The following GPR139 variants were observed in gnomAD, a reference collection of about 807,000 sequenced individuals.
The protein encoded by GPR139 is G protein-coupled receptor 139.
In GPR139, 12 loss-of-function variants were observed where a neutral mutation model predicts 25.8. That is an observed-to-expected ratio of 0.47 (90% CI 0.30 to 0.75). The LOEUF (loss-of-function observed/expected upper bound fraction) is 0.75. Ranked by LOEUF, GPR139 falls within the 30% of genes least tolerant of loss-of-function variation. The probability of loss-of-function intolerance (pLI) is 0.07; values close to 1 mark genes in which losing one functional copy is unlikely to be tolerated. For missense variants in GPR139, 380 were observed against 450.2 expected, an observed-to-expected ratio of 0.84 and a Z score of 1.41; for synonymous variants, 184 against 179.9, an observed-to-expected ratio of 1.02 and a Z score of -0.18.
intron 1 of GPR139, among the ~76,000 whole-genome samples, chr16:20,055,431 A>G (rs1038254086): frequency 1.3e-5 from 2 of 152,122 alleles, no homozygotes; most frequent in Non-Finnish European, 2.9e-5. Context: ...ACAGCTCTAC[A>G]TATGTCCGGA....
intron 1 of GPR139, among the ~76,000 whole-genome samples, chr16:20,052,852 G>T (rs1289570511): frequency 6.6e-6 from 1 of 151,592 alleles, no homozygotes; most frequent in Non-Finnish European, 1.5e-5. Context: ...GGGAATAAGT[G>T]TTTTTAAAAA....
At chr16:20,041,329 A>C (rs887929541) in intron 1 of GPR139, among the ~76,000 whole-genome samples, 13 of 149,044 alleles carry the variant, frequency 8.7e-5, no homozygotes, top group African/African-American at 3.2e-4. Context: ...TATGTTATGC[A>C]GACTCCTGGC....
intron 1 of GPR139, among the ~76,000 whole-genome samples, chr16:20,059,763 T>C (rs1228314668): frequency 1.3e-5 from 2 of 152,196 alleles, no homozygotes; most frequent in Non-Finnish European, 2.9e-5. Flanking sequence ...GTTGATCTTA[T>C]CACCCTCATT....
intron 1 of GPR139, among the ~76,000 whole-genome samples, chr16:20,058,495 G>A (rs2057399518): frequency 6.6e-6 from 1 of 152,134 alleles, no homozygotes. Context: ...AGGGAATAGG[G>A]AGAGGCAGAG....
intron 1 of GPR139, among the ~76,000 whole-genome samples, chr16:20,045,353 T>C (rs774084011): frequency 4.0e-4 from 61 of 152,046 alleles, no homozygotes; most frequent in Middle Eastern, 3.2e-3. Flanking sequence ...ACTATTAATA[T>C]CCTTATTTTA....
chr16:20,060,104 C>T (rs2057406186), intron 1 of GPR139, among the ~76,000 whole-genome samples: 1 of 152,186 alleles, frequency 6.6e-6, no homozygotes. Flanking sequence ...AGGGAAGACA[C>T]TGCTTTCTTT....
At chr16:20,060,666 G>T (rs1016231598) in intron 1 of GPR139, among the ~76,000 whole-genome samples, 7 of 152,196 alleles carry the variant, frequency 4.6e-5, no homozygotes, top group African/African-American at 1.7e-4. Context: ...TCTGTATAAT[G>T]TATTGTCCCA....
At chr16:20,063,439 C>A (rs984716704) in intron 1 of GPR139, among the ~76,000 whole-genome samples, 1 of 152,178 alleles carries the variant, frequency 6.6e-6, no homozygotes, top group Non-Finnish European at 1.5e-5. Flanking sequence ...GAGTTCAAGG[C>A]TGCAGTGAGC....
Position 20,031,656 on chromosome 16 carries a change from A to G in GPR139, c.*79T>C. 9.2e-7 allele frequency: 1 copy of G among 1,089,764 alleles called. No homozygotes were observed. Among genetic ancestry groups the G allele is most frequent in the Non-Finnish European group, 1.4e-6 (1 of 722,064 alleles). 67.5% of individuals were successfully genotyped at this position (1,089,764 alleles called of 1,614,324 possible). On this transcript the variant is annotated 3_prime_UTR_variant, in exon 2 of 2. Coordinates refer to ENST00000570682, the MANE Select transcript of GPR139 (RefSeq NM_001002911.4). ...AAATCGGATTAGCACTCTTAAGGAG[A>G]GCTGCTCAGCCATAGGATGGGACAC... is the stretch of plus-strand genomic sequence containing the variant.
At chr16:20,040,247 C>T (rs543406221) in intron 1 of GPR139, among the ~76,000 whole-genome samples, 21 of 152,254 alleles carry the variant, frequency 1.4e-4, no homozygotes, top group Admixed American at 5.2e-4. Context: ...CCCAGTCAGC[C>T]CAGGAACCGT....
intron 1 of GPR139, among the ~76,000 whole-genome samples, chr16:20,035,516 G>A (rs568059852): frequency 5.3e-5 from 8 of 152,300 alleles, no homozygotes; most frequent in South Asian, 2.1e-4. Context: ...TGAAGGGGAT[G>A]GTGAACAAAA....
chr16:20,029,693 C>T lies in GPR139; in HGVS notation c.*2042G>A, dbSNP rs575478877. On this transcript the variant is annotated 3_prime_UTR_variant, in exon 2 of 2. Coordinates refer to ENST00000570682, the MANE Select transcript of GPR139 (RefSeq NM_001002911.4). ...CTCAATGAGCATACGCCCTGGGGAG[C>T]GTGGGAGATGGGAGATCTGTCCCTC... Among the ~76,000 whole-genome samples, 2 of 152,110 alleles carry T rather than the reference C, an allele frequency of 1.3e-5. No homozygotes were observed. Among genetic ancestry groups the T allele is most frequent in the East Asian group, 1.9e-4 (1 of 5,174 alleles).
At chr16:20,054,852 C>G (rs1348817307) in intron 1 of GPR139, among the ~76,000 whole-genome samples, 1 of 152,126 alleles carries the variant, frequency 6.6e-6, no homozygotes, top group African/African-American at 2.4e-5. Flanking sequence ...CTCTGCTTCC[C>G]AAGTAGCTGG....
chr16:20,062,891 T>A (rs2057418904), intron 1 of GPR139, among the ~76,000 whole-genome samples: 1 of 152,342 alleles, frequency 6.6e-6, no homozygotes, highest in East Asian at 1.9e-4. Flanking sequence ...AAATCTGCTG[T>A]GTATTTCATG....
intron 1 of GPR139, among the ~76,000 whole-genome samples, chr16:20,069,713 T>A (rs995067797): frequency 9.4e-4 from 143 of 152,318 alleles, no homozygotes; most frequent in Non-Finnish European, 1.5e-3. Context: ...TAATTTTTTT[T>A]AAAATCTCTC....
chr16:20,064,422 C>A (rs2057424379), intron 1 of GPR139, among the ~76,000 whole-genome samples: 1 of 152,106 alleles, frequency 6.6e-6, no homozygotes, highest in Non-Finnish European at 1.5e-5. Context: ...GTAATTCCAG[C>A]TACTCGGGAG....
intron 1 of GPR139, among the ~76,000 whole-genome samples, chr16:20,060,849 C>T (rs2057410317): frequency 6.6e-6 from 1 of 152,124 alleles, no homozygotes. Flanking sequence ...TATGGCACAG[C>T]CTGCTCCCTT....
At position 20,033,690 on chromosome 16, in the gene GPR139, G is replaced by A. The variant is rs967375016; in HGVS notation, c.128-1021C>T. Among the ~76,000 whole-genome samples, 4 of 152,118 alleles carry A rather than the reference G, an allele frequency of 2.6e-5. No individual in the cohort carries two copies. The South Asian group carries it at 6.2e-4, about 24-fold the overall frequency. ...TTTGTTTTTGGAATAGGTAATCTACGTACATGCTACATAATCAAAAATAAT... is the reference window on the plus strand; with the variant it reads ...TTTGTTTTTGGAATAGGTAATCTACATACATGCTACATAATCAAAAATAAT... On this transcript the variant is annotated intron_variant, in intron 1 of 1. Transcript: ENST00000570682.
chr16:20,039,409 C>A (rs2057322579), intron 1 of GPR139, among the ~76,000 whole-genome samples: 1 of 152,188 alleles, frequency 6.6e-6, no homozygotes, highest in Non-Finnish European at 1.5e-5. Flanking sequence ...TTTAGTTCTG[C>A]TACATTGCCT....
Sources: allele counts gnomAD v4.1 joint callset (sites outside exome capture counted in the v4.1 genomes callset), GRCh38; gene constraint gnomAD v4.1.1; transcripts MANE v1.5; gene names NCBI Gene and HGNC (gene_info 2026-07-23, HGNC 2026-07-21).